DHRS4L2: variants seen among roughly 807,000 people sequenced by gnomAD.
DHRS4L2 encodes dehydrogenase/reductase SDR family member 4-like 2.
Under a neutral mutation model 23.9 loss-of-function variants are expected in DHRS4L2, and 22 were observed. The observed-to-expected ratio is 0.92, with a 90% CI of 0.66 to 1.31. The LOEUF (loss-of-function observed/expected upper bound fraction) is 1.31, where lower values mean the gene tolerates loss of function less well. Ranked by LOEUF, DHRS4L2 falls within the 40% of genes most tolerant of loss-of-function variation. The pLI, the probability that DHRS4L2 is intolerant of heterozygous loss-of-function variation, is 0.00. For synonymous variants in DHRS4L2, 141 were observed against 123.7 expected (o/e 1.14, Z -0.93); for missense variants, 385 against 303.3 (o/e 1.27, Z -2.00).
rs146629945 is a variant in DHRS4L2, at chr14:23,995,056, G to A, written c.331G>A (p.Asp111Asn). ...GGCTGTGAAGCTTCATGGAGGTATC[G>A]ATATCCTAGTCTCCAATGCTGCTGT... is the stretch of plus-strand genomic sequence containing the variant. Reference protein sequence around the residue: ...AMAVKLHGGIDILVSNAAVNP... With the variant: ...AMAVKLHGGINILVSNAAVNP... Residue 111 changes from aspartate to asparagine, a missense_variant, in exon 3 of 8, where the codon GAT (aspartate) becomes AAT (asparagine). Physicochemically the swap from Asp to Asn is conservative, Grantham distance 23 (BLOSUM62 1). Transcript: ENST00000335125. 156 of 1,612,818 alleles carry A rather than the reference G, an allele frequency of 9.7e-5. 3 individuals carry two copies. Among genetic ancestry groups the A allele is most frequent in the African/African-American group, 1.1e-4 (8 of 74,858 alleles).
intron 1 of DHRS4L2, among the ~76,000 whole-genome samples, chr14:23,972,357 T>C (rs1243312206): frequency 6.6e-6 from 1 of 151,334 alleles, no homozygotes; most frequent in Non-Finnish European, 1.5e-5. Flanking sequence ...ATGTCTGGAG[T>C]TGTTCGTTCC....
chr14:23,994,905 T>G (rs2034347521), intron 2 of DHRS4L2, 127 bp from the exon 3 acceptor site: 1 of 1,191,022 alleles, frequency 8.4e-7, no homozygotes, highest in East Asian at 2.4e-5. Context: ...CACCTTGGCC[T>G]CCCAAAGTGC....
chr14:23,989,205 T>G (rs2138532251), intron 1 of DHRS4L2, 130 bp downstream of exon 1: 1 of 1,463,418 alleles, frequency 6.8e-7, no homozygotes, highest in Non-Finnish European at 9.1e-7. Context: ...GGAAAAAAAG[T>G]AGCCACGTGG....
chr14:23,969,995 C>T (rs1265718776), exon 1 of DHRS4L2: 3 of 455,204 alleles, frequency 6.6e-6, no homozygotes, highest in Admixed American at 4.7e-5. Context: ...GCAGCCCTCA[C>T]CGCCCGGGCT....
intron 1 of DHRS4L2, among the ~76,000 whole-genome samples, chr14:23,981,989 C>T (rs889415254): frequency 3.3e-5 from 5 of 151,668 alleles, no homozygotes; most frequent in African/African-American, 7.3e-5. Context: ...TTCCCAGGGG[C>T]AGGCAGGAGA....
intron 2 of DHRS4L2, among the ~76,000 whole-genome samples, chr14:23,993,713 C>T (rs2034316812): frequency 6.6e-6 from 1 of 151,608 alleles, no homozygotes; most frequent in African/African-American, 2.4e-5. Flanking sequence ...CAGTTTCTGC[C>T]TTGAATCTTT....
At chr14:23,980,963 C>T (rs1566488591) in intron 1 of DHRS4L2, among the ~76,000 whole-genome samples, 1 of 151,600 alleles carries the variant, frequency 6.6e-6, no homozygotes, top group African/African-American at 2.4e-5. Flanking sequence ...CCAGGGCACT[C>T]AGGCAAGAGG....
intron 3 of DHRS4L2, among the ~76,000 whole-genome samples, chr14:23,997,940 T>G (rs2034414701): frequency 6.6e-6 from 1 of 151,848 alleles, no homozygotes; most frequent in Non-Finnish European, 1.5e-5. Flanking sequence ...GAGGAATCAC[T>G]ATCCATGGCA....
chr14:23,994,280 A>G (rs1383281571), intron 2 of DHRS4L2, among the ~76,000 whole-genome samples: 1 of 151,742 alleles, frequency 6.6e-6, no homozygotes, highest in Non-Finnish European at 1.5e-5. Context: ...GGGTCTGGAA[A>G]TAGATTTTGG....
chr14:24,005,925 C>T lies in DHRS4L2; in HGVS notation c.*62C>T. Reference sequence around the variant, plus strand: ...AGGATTGTGCTGGCATCGTGTCTTTCCTGTGCTCTGAAGATGCCAGCTACA... The same window carrying T: ...AGGATTGTGCTGGCATCGTGTCTTTTCTGTGCTCTGAAGATGCCAGCTACA... On this transcript the variant is annotated 3_prime_UTR_variant, in exon 8 of 8. Coordinates refer to ENST00000335125, the MANE Select transcript of DHRS4L2 (RefSeq NM_198083.4). 1 of 1,609,848 alleles carries T rather than the reference C, an allele frequency of 6.2e-7. No homozygotes were observed. Among genetic ancestry groups the T allele is most frequent in the Non-Finnish European group, 8.5e-7 (1 of 1,178,376 alleles).
intron 2 of DHRS4L2, chr14:23,990,651 G>A: frequency 8.3e-7 from 1 of 1,198,892 alleles, no homozygotes; most frequent in Non-Finnish European, 1.0e-6. Flanking sequence ...CAAAATAGAT[G>A]TTCCCACCCA....
chr14:24,004,539 C>T, intron 7 of DHRS4L2, 147 bp downstream of exon 7: 1 of 1,041,196 alleles, frequency 9.6e-7, no homozygotes, highest in Non-Finnish European at 1.4e-6. Context: ...TAAACACTAT[C>T]ACTACAGTGA....
upstream of DHRS4L2, among the ~76,000 whole-genome samples, chr14:23,985,715 CT>C (rs1428418486): frequency 6.6e-6 from 1 of 151,286 alleles, no homozygotes; most frequent in Non-Finnish European, 1.5e-5. Flanking sequence ...TGTTCCTCTT[CT>C]TTTTTTATTT....
At chr14:23,998,442 G>A (rs1422631893) in intron 3 of DHRS4L2, among the ~76,000 whole-genome samples, 1 of 150,788 alleles carries the variant, frequency 6.6e-6, no homozygotes, top group East Asian at 1.9e-4. Flanking sequence ...TCTTCCACTA[G>A]AAGGTTGTTT....
chr14:23,993,230 C>T (rs931968343), intron 2 of DHRS4L2, among the ~76,000 whole-genome samples: 1 of 151,650 alleles, frequency 6.6e-6, no homozygotes, highest in South Asian at 2.1e-4. Context: ...TTACACAGAG[C>T]CAACCCAGGT....
Position 23,974,512 on chromosome 14 carries a change from A to G in DHRS4L2, c.-176+4180A>G, listed in dbSNP as rs534847852. ...AAAATGGACTGCTAGCAAGACTAAT[A>G]AGGAAGAAAAGAGAGAAGAGTCAAA... On this transcript the variant is annotated intron_variant, in intron 1 of 5. Transcript: ENST00000534993. Among the ~76,000 whole-genome samples the G allele has an allele frequency of 2.0e-4, 30 of 151,738 alleles. 1 individual carries two copies. Among genetic ancestry groups the G allele is most frequent in the Admixed American group, 7.9e-4 (12 of 15,260 alleles).
In DHRS4L2 at chr14:23,993,956, A is replaced by C. The variant is rs143563258; in HGVS notation, c.307-1076A>C. Among the ~76,000 whole-genome samples, 27 of 151,596 alleles carry C rather than the reference A, an allele frequency of 1.8e-4. 1 individual carries two copies. Among genetic ancestry groups the C allele is most frequent in the East Asian group, 5.8e-4 (3 of 5,162 alleles). On this transcript the variant is annotated intron_variant, in intron 2 of 7. Coordinates refer to ENST00000335125, the MANE Select transcript of DHRS4L2 (RefSeq NM_198083.4). ...ACTGACTAGCTTTGTGCCCTGAAAA[A>C]ATCACTTCACCCCTCCCAAACACAG...
At chr14:24,003,987 A>T (rs1236349588) in intron 6 of DHRS4L2, among the ~76,000 whole-genome samples, 1 of 97,032 alleles carries the variant, frequency 1.0e-5, no homozygotes, top group African/African-American at 9.1e-5. Context: ...ACATAAAGAG[A>T]TTTCTGGGTG....
chr14:23,993,891 C>G (rs2034321733), intron 2 of DHRS4L2, among the ~76,000 whole-genome samples: 1 of 151,622 alleles, frequency 6.6e-6, no homozygotes, highest in African/African-American at 2.4e-5. Flanking sequence ...TGAATTAGCT[C>G]TGTGCTACAA....
Sources: gnomAD v4.1 joint callset for allele counts (sites outside exome capture counted in the v4.1 genomes callset) on GRCh38, gnomAD v4.1.1 for gene constraint, MANE v1.5 for transcripts, NCBI Gene and HGNC (gene_info 2026-07-23, HGNC 2026-07-21) for gene names.